Variants in SDK1 observed in about 807,000 individuals in gnomAD.
SDK1 encodes the protein protein sidekick-1.
In SDK1, 157 loss-of-function variants were observed where a neutral mutation model predicts 245.5. The observed-to-expected ratio is 0.64, with a 90% CI of 0.56 to 0.73. The LOEUF is 0.73. Among genes scored for constraint, SDK1 ranks in the 30% least tolerant of loss-of-function variants. SDK1 has a pLI of 0.00. For synonymous variants in SDK1, 1,647 were observed against 1,278.5 expected, an observed-to-expected ratio of 1.29 and a Z score of -6.15; for missense variants, 3,583 against 3,002.3, an observed-to-expected ratio of 1.19 and a Z score of -4.52.
chr7:3,708,790 C>G (rs1005133823), intron 4 of SDK1, among the ~76,000 whole-genome samples: 7 of 152,244 alleles, frequency 4.6e-5, no homozygotes, highest in African/African-American at 1.4e-4. Context: ...ACTCTATTAC[C>G]TTACATGTCA....
chr7:3,748,923 T>A (rs1021836624), intron 4 of SDK1, among the ~76,000 whole-genome samples: 3 of 152,168 alleles, frequency 2.0e-5, no homozygotes, highest in Non-Finnish European at 2.9e-5. Context: ...TCTACAGGAA[T>A]TCATTGACAA....
intron 1 of SDK1, among the ~76,000 whole-genome samples, chr7:3,441,217 A>G (rs1423940536): frequency 2.6e-5 from 4 of 152,126 alleles, no homozygotes; most frequent in Non-Finnish European, 5.9e-5. Flanking sequence ...ATTTTATTTT[A>G]TGATTTATAA....
In SDK1 at chr7:3,761,520, C is replaced by T. The variant is rs373645025; in HGVS notation, c.714-59930C>T. ...AGTGAGCCGAGATCATGCCACTGCA[C>T]TCCAGCCTGGGCGACAGAGTGAGAC... On this transcript the variant is annotated intron_variant, in intron 4 of 44. Transcript: ENST00000404826. Among the ~76,000 whole-genome samples, 171 of 149,380 alleles carry T rather than the reference C, an allele frequency of 1.1e-3. No homozygotes were observed. In the South Asian group the frequency reaches 0.019, roughly 17 times the overall value.
At chr7:4,261,270 C>T (rs1036362720) in intron 44 of SDK1, among the ~76,000 whole-genome samples, 1 of 152,104 alleles carries the variant, frequency 6.6e-6, no homozygotes, top group Non-Finnish European at 1.5e-5. Flanking sequence ...CACTCTGACT[C>T]TCAGATGAGG....
chr7:3,582,472 C>G (rs1034187068), intron 1 of SDK1, among the ~76,000 whole-genome samples: 1 of 150,732 alleles, frequency 6.6e-6, no homozygotes, highest in Non-Finnish European at 1.5e-5. Flanking sequence ...AGGTCTGTCT[C>G]AGGTAGGTCT....
At chr7:4,002,687 T>C (rs1020419793) in intron 14 of SDK1, among the ~76,000 whole-genome samples, 5 of 152,184 alleles carry the variant, frequency 3.3e-5, no homozygotes, top group African/African-American at 9.7e-5. Flanking sequence ...CAAATACATA[T>C]ACACACAAAA....
chr7:4,050,498 C>T lies in SDK1; in HGVS notation c.2718+1035C>T, dbSNP rs1014618456. Among the ~76,000 whole-genome samples, 16 of 152,352 alleles carry T rather than the reference C, an allele frequency of 1.1e-4. 1 individual carries two copies. Among genetic ancestry groups the T allele is most frequent in the South Asian group, 1.0e-3 (5 of 4,832 alleles). On this transcript the variant is annotated intron_variant, in intron 18 of 44. Transcript: ENST00000404826. The stretch of plus-strand genomic sequence containing the variant: ...GCTGTCAGTTTGATCTGTGTAAATA[C>T]GCTTTGCGTCCTGCAGCATGTCAAC...
chr7:3,334,319 C>T (rs902708219), intron 1 of SDK1, among the ~76,000 whole-genome samples: 3 of 152,230 alleles, frequency 2.0e-5, no homozygotes, highest in African/African-American at 4.8e-5. Flanking sequence ...CAGCAGTTCT[C>T]ATTCTACGCT....
intron 22 of SDK1, among the ~76,000 whole-genome samples, chr7:4,094,209 C>T (rs1781995021): frequency 6.6e-6 from 1 of 152,106 alleles, no homozygotes; most frequent in African/African-American, 2.4e-5. Context: ...TTACAGGCAC[C>T]TGCCACCACA....
chr7:3,803,512 T>C (rs1779164200), intron 4 of SDK1, among the ~76,000 whole-genome samples: 1 of 151,816 alleles, frequency 6.6e-6, no homozygotes, highest in Admixed American at 6.6e-5. Flanking sequence ...GGTTTCACCA[T>C]GTGGACCAGG....
At position 3,591,689 on chromosome 7, in the gene SDK1, C is replaced by T. The variant is rs192573826; in HGVS notation, c.299-27391C>T. Among the ~76,000 whole-genome samples, 8 of 152,252 alleles carry T rather than the reference C, an allele frequency of 5.3e-5. No homozygotes were observed. The East Asian group carries it at 9.7e-4, about 18-fold the overall frequency. On this transcript the variant is annotated intron_variant, in intron 1 of 44. Transcript: ENST00000404826. ...TTAATGATCACTGTGGGCCCATGGC[C>T]GCTGGAAGCTATTTGTATTCTTTGC...
intron 5 of SDK1, among the ~76,000 whole-genome samples, chr7:3,943,609 A>C (rs1197686711): frequency 6.7e-6 from 1 of 150,260 alleles, no homozygotes; most frequent in Non-Finnish European, 1.5e-5. Context: ...CCGCTCCCCA[A>C]CCCGGCGCAC....
chr7:3,993,489 G>C (rs867119339), intron 14 of SDK1, among the ~76,000 whole-genome samples: 1 of 152,026 alleles, frequency 6.6e-6, no homozygotes, highest in Non-Finnish European at 1.5e-5. Flanking sequence ...ATGAGTGTTC[G>C]TAATTGTGAT....
At chr7:3,561,332 T>G (rs1779744510) in intron 1 of SDK1, among the ~76,000 whole-genome samples, 1 of 152,244 alleles carries the variant, frequency 6.6e-6, no homozygotes, top group South Asian at 2.1e-4. Flanking sequence ...ACATCTGAGC[T>G]GCTTTCCTTG....
At chr7:3,772,154 C>T (rs1179341866) in intron 4 of SDK1, among the ~76,000 whole-genome samples, 1 of 151,972 alleles carries the variant, frequency 6.6e-6, no homozygotes, top group African/African-American at 2.4e-5. Context: ...ATTCTTTTTC[C>T]TATATGTCTT....
At chr7:3,654,998 A>G (rs527743361) in intron 4 of SDK1, among the ~76,000 whole-genome samples, 4 of 151,876 alleles carry the variant, frequency 2.6e-5, no homozygotes, top group Admixed American at 1.3e-4. Context: ...TTAATGAACA[A>G]TAAATTCTGA....
Position 4,231,354 on chromosome 7 carries a change from G to A in SDK1, c.5828-1901G>A, listed in dbSNP as rs868794851. The stretch of plus-strand genomic sequence containing the variant: ...CAAGGCAGGCAGATGGCTTGAGCTC[G>A]GCAGTTCGAGCCCAGCCTGGGCAAC... On this transcript the variant is annotated intron_variant, in intron 40 of 44. Transcript: ENST00000404826. 7.4e-4 allele frequency among the ~76,000 whole-genome samples: 112 copies of A among 151,802 alleles called. No individual in the cohort carries two copies. The Middle Eastern group carries it at 0.027, about 37-fold the overall frequency.
chr7:3,926,418 T>TC (rs2128115398), intron 5 of SDK1, among the ~76,000 whole-genome samples: 1 of 152,352 alleles, frequency 6.6e-6, no homozygotes, highest in South Asian at 2.1e-4. Flanking sequence ...TTGTCTTTTC[T>TC]CCAGTTTTCT....
intron 5 of SDK1, among the ~76,000 whole-genome samples, chr7:3,882,763 C>T (rs1028220645): frequency 6.6e-6 from 1 of 151,996 alleles, no homozygotes; most frequent in African/African-American, 2.4e-5. Flanking sequence ...CAGGGTCTCT[C>T]CTGGAAACCA....
Sources: allele counts gnomAD v4.1 joint callset (sites outside exome capture counted in the v4.1 genomes callset), GRCh38; gene constraint gnomAD v4.1.1; transcripts MANE v1.5; gene names NCBI Gene and HGNC (gene_info 2026-07-23, HGNC 2026-07-21).